The following SYN3 variants were observed in gnomAD, a reference collection of about 807,000 sequenced individuals.
The protein encoded by SYN3 is synapsin-3.
In SYN3, 35 loss-of-function variants were observed where a neutral mutation model predicts 65.8. That is an observed-to-expected ratio of 0.53 (90% confidence interval 0.41 to 0.70). SYN3 has a LOEUF of 0.70. Ranked by LOEUF, SYN3 falls within the 30% of genes least tolerant of loss-of-function variation. SYN3 has a pLI of 0.00. For synonymous variants in SYN3, 270 were observed against 292.9 expected (o/e 0.92, Z 0.80); for missense variants, 680 against 749.0 (o/e 0.91, Z 1.08).
intron 7 of SYN3, among the ~76,000 whole-genome samples, chr22:32,575,062 G>A (rs1215574684): frequency 1.3e-5 from 2 of 152,216 alleles, no homozygotes; most frequent in Non-Finnish European, 2.9e-5. Context: ...GACCTAAGCG[G>A]GTGGTTTTCA....
intron 1 of SYN3, among the ~76,000 whole-genome samples, chr22:33,054,850 A>T (rs1338748791): frequency 6.6e-6 from 1 of 152,190 alleles, no homozygotes; most frequent in African/African-American, 2.4e-5. Context: ...GTAGCCAACC[A>T]ATCTGAAACC....
intron 1 of SYN3, among the ~76,000 whole-genome samples, chr22:33,013,338 TAC>T (rs938325854): frequency 6.6e-6 from 1 of 152,158 alleles, no homozygotes; most frequent in African/African-American, 2.4e-5. Context: ...AAGTAAACAA[TAC>T]ACAGAGTGTG....
At chr22:32,698,485 T>C (rs548889329) in intron 6 of SYN3, among the ~76,000 whole-genome samples, 1 of 152,236 alleles carries the variant, frequency 6.6e-6, no homozygotes, top group African/African-American at 2.4e-5. Context: ...TTGCCCCAGA[T>C]GTGGAAGCCC....
Position 32,580,920 on chromosome 22 carries a change from C to T in SYN3, c.774+15754G>A, listed in dbSNP as rs572796430. 5.9e-5 allele frequency among the ~76,000 whole-genome samples: 9 copies of T among 152,308 alleles called. No homozygotes were observed. The South Asian group carries it at 1.9e-3, about 32-fold the overall frequency. ...CTTGTTAGAAATTCAGAACCCCAGG[C>T]AGGCGGGACTGCAGATCTAGTGAAT... On this transcript the variant is annotated intron_variant, in intron 7 of 13. Coordinates refer to ENST00000358763, the MANE Select transcript of SYN3 (RefSeq NM_003490.4).
intron 6 of SYN3, among the ~76,000 whole-genome samples, chr22:32,786,382 T>C (rs1358637224): frequency 6.6e-6 from 1 of 151,518 alleles, no homozygotes; most frequent in Non-Finnish European, 1.5e-5. Context: ...CTGCAACTTA[T>C]TCTTTTTTTT....
chr22:32,871,656 T>G (rs961908170), intron 4 of SYN3, among the ~76,000 whole-genome samples: 2 of 152,106 alleles, frequency 1.3e-5, no homozygotes, highest in Non-Finnish European at 2.9e-5. Flanking sequence ...TTGCTCAGGC[T>G]GGAGTGCAGT....
At chr22:32,648,352 AC>A in intron 6 of SYN3, among the ~76,000 whole-genome samples, 1 of 152,332 alleles carries the variant, frequency 6.6e-6, no homozygotes, top group East Asian at 1.9e-4. Flanking sequence ...GTCAGGAGAT[AC>A]TGGTTTTCCA....
chr22:32,783,716 C>T (rs1261020111), intron 6 of SYN3, among the ~76,000 whole-genome samples: 2 of 152,196 alleles, frequency 1.3e-5, no homozygotes, highest in African/African-American at 2.4e-5. Context: ...GTTTTACTTG[C>T]TCTTTATCAT....
At chr22:32,988,478 A>G (rs781245475) in intron 2 of SYN3, among the ~76,000 whole-genome samples, 1 of 152,122 alleles carries the variant, frequency 6.6e-6, no homozygotes, top group Non-Finnish European at 1.5e-5. Flanking sequence ...CGCTGAACAT[A>G]CACAGATAGA....
intron 7 of SYN3, among the ~76,000 whole-genome samples, chr22:32,559,671 C>T (rs568541731): frequency 6.6e-6 from 1 of 151,760 alleles, no homozygotes; most frequent in Admixed American, 6.6e-5. Flanking sequence ...TAAAAAAATA[C>T]AAAAAAATTA....
intron 7 of SYN3, among the ~76,000 whole-genome samples, chr22:32,558,276 T>C (rs2058532153): frequency 6.6e-6 from 1 of 152,182 alleles, no homozygotes; most frequent in Admixed American, 6.5e-5. Flanking sequence ...AGAAACCCTG[T>C]AGGATATAGC....
intron 6 of SYN3, among the ~76,000 whole-genome samples, chr22:32,780,096 G>A (rs1569218215): frequency 7.2e-6 from 1 of 139,044 alleles, no homozygotes; most frequent in Non-Finnish European, 1.5e-5. Context: ...GAAAAAAAGA[G>A]AAAAAAAACA....
chr22:32,969,876 T>C (rs943576363), intron 3 of SYN3, among the ~76,000 whole-genome samples: 1 of 152,230 alleles, frequency 6.6e-6, no homozygotes, highest in East Asian at 1.9e-4. Flanking sequence ...GGATGACAGG[T>C]GCCAACTGAA....
intron 6 of SYN3, among the ~76,000 whole-genome samples, chr22:32,626,623 G>A (rs534744765): frequency 1.4e-4 from 21 of 152,162 alleles, no homozygotes; most frequent in Non-Finnish European, 2.1e-4. Context: ...TGCCCCAACC[G>A]GGGAATGGTG....
At chr22:32,876,327 G>T (rs571382267) in intron 4 of SYN3, among the ~76,000 whole-genome samples, 6 of 152,198 alleles carry the variant, frequency 3.9e-5, no homozygotes, top group Admixed American at 1.3e-4. Flanking sequence ...CGCATTGGGC[G>T]TTAGGATTCA....
intron 6 of SYN3, among the ~76,000 whole-genome samples, chr22:32,642,901 G>A (rs971830657): frequency 6.6e-6 from 1 of 152,024 alleles, no homozygotes. Flanking sequence ...AAAAAGGTGA[G>A]GATGCATCTC....
At chr22:32,955,750 T>C (rs8139676) in intron 3 of SYN3, among the ~76,000 whole-genome samples, 1,880 of 152,036 alleles carry the variant, frequency 0.012, 32 homozygotes, top group African/African-American at 0.042. Context: ...CCAAAGGAGA[T>C]TAACATTTGA....
At position 32,746,256 on chromosome 22, in the gene SYN3, G is replaced by C. The variant is rs1311106753; in HGVS notation, c.711+118659C>G. On this transcript the variant is annotated intron_variant, in intron 6 of 13. Coordinates refer to ENST00000358763, the MANE Select transcript of SYN3 (RefSeq NM_003490.4). ...AAGGAGCTCCAAGAATCCCCCTTTG[G>C]GTTGACTTTTATGACCAGCTGGTGC... Among the ~76,000 whole-genome samples the C allele has an allele frequency of 2.6e-5, 4 of 152,166 alleles. No individual in the cohort carries two copies. In the East Asian group the frequency reaches 7.7e-4, roughly 29 times the overall value.
chr22:32,814,339 G>GAAAGAAAGGAAGGAAGAA, intron 6 of SYN3, among the ~76,000 whole-genome samples: 1 of 10,360 alleles, frequency 9.7e-5, no homozygotes, highest in African/African-American at 2.0e-4. Context: ...AAGAAAGAAA[G>GAAAGAAAGGAAGGAAGAA]AGAAAGAAAG....
Sources: gnomAD v4.1 joint callset for allele counts (sites outside exome capture counted in the v4.1 genomes callset) on GRCh38, gnomAD v4.1.1 for gene constraint, MANE v1.5 for transcripts, NCBI Gene and HGNC (gene_info 2026-07-23, HGNC 2026-07-21) for gene names.